The following PPP2R5C variants were observed in gnomAD, a reference collection of about 807,000 sequenced individuals.
PPP2R5C encodes the protein protein phosphatase 2 regulatory subunit B'gamma, also known as serine/threonine-protein phosphatase 2A 56 kDa regulatory subunit gamma isoform.
A neutral mutation model predicts 68.9 loss-of-function variants in PPP2R5C; 7 were observed. The observed-to-expected ratio is 0.10, with a 90% CI of 0.06 to 0.19. The LOEUF (loss-of-function observed/expected upper bound fraction) is 0.19. PPP2R5C is among the 10% of genes least tolerant of loss of function. The probability of loss-of-function intolerance (pLI) is 1.00; values close to 1 mark genes in which losing one functional copy is unlikely to be tolerated. For missense variants in PPP2R5C, 348 were observed against 641.3 expected, an observed-to-expected ratio of 0.54 and a Z score of 4.94; for synonymous variants, 210 against 222.2, an observed-to-expected ratio of 0.95 and a Z score of 0.49.
At chr14:101,862,280 A>G (rs1334674443) in intron 2 of PPP2R5C, among the ~76,000 whole-genome samples, 1 of 152,182 alleles carries the variant, frequency 6.6e-6, no homozygotes, top group Non-Finnish European at 1.5e-5. Context: ...AATGCTGCAG[A>G]CACTCCTGCT....
At chr14:101,849,004 A>G (rs1446589394) in intron 1 of PPP2R5C, among the ~76,000 whole-genome samples, 1 of 152,218 alleles carries the variant, frequency 6.6e-6, no homozygotes, top group Non-Finnish European at 1.5e-5. Context: ...CTTCCTATAA[A>G]TGAAATTATA....
intron 11 of PPP2R5C, among the ~76,000 whole-genome samples, chr14:101,910,556 GGT>G (rs2046323724): frequency 6.6e-6 from 1 of 152,250 alleles, no homozygotes; most frequent in Non-Finnish European, 1.5e-5. Context: ...CCCTGGGCCG[GGT>G]GCGGTGGCTC....
intron 3 of PPP2R5C, among the ~76,000 whole-genome samples, chr14:101,802,507 GTAAAAC>G (rs906176344): frequency 2.6e-5 from 4 of 152,050 alleles, no homozygotes; most frequent in Non-Finnish European, 5.9e-5. Context: ...AAACCTAAGA[GTAAAAC>G]TATAATGTTT....
intron 3 of PPP2R5C, 79 bp downstream of exon 3, chr14:101,786,262 A>C: frequency 7.9e-7 from 1 of 1,262,382 alleles, no homozygotes. Flanking sequence ...GTGCTAATTT[A>C]TTCCTTTGCT....
intron 11 of PPP2R5C, among the ~76,000 whole-genome samples, chr14:101,910,326 A>G (rs899880937): frequency 6.6e-6 from 1 of 152,200 alleles, no homozygotes; most frequent in African/African-American, 2.4e-5. Flanking sequence ...TTTGCTTGTC[A>G]CTTAAAACTG....
chr14:101,858,737 C>G (rs925042106), intron 2 of PPP2R5C, among the ~76,000 whole-genome samples: 3 of 151,938 alleles, frequency 2.0e-5, no homozygotes, highest in Non-Finnish European at 2.9e-5. Flanking sequence ...GAAGATTTTC[C>G]TATGTTTAAG....
At chr14:101,858,207 T>C (rs1386209919) in intron 2 of PPP2R5C, among the ~76,000 whole-genome samples, 2 of 152,186 alleles carry the variant, frequency 1.3e-5, no homozygotes, top group African/African-American at 4.8e-5. Context: ...AGCTTTTTTC[T>C]TTCATTAATT....
At chr14:101,837,450 A>G (rs1364137678) in intron 1 of PPP2R5C, among the ~76,000 whole-genome samples, 1 of 152,180 alleles carries the variant, frequency 6.6e-6, no homozygotes, top group East Asian at 1.9e-4. Flanking sequence ...CCCGACCCTC[A>G]TGGTATAAGT....
intron 3 of PPP2R5C, among the ~76,000 whole-genome samples, chr14:101,801,238 T>C (rs1268898510): frequency 3.3e-5 from 5 of 152,212 alleles, no homozygotes; most frequent in African/African-American, 1.2e-4. Flanking sequence ...AAAGAAAAGA[T>C]ACATGCTGGA....
intron 3 of PPP2R5C, among the ~76,000 whole-genome samples, chr14:101,791,654 G>GT (rs146308156): frequency 0.017 from 2,486 of 146,052 alleles, 46 homozygotes; most frequent in African/African-American, 0.052. Context: ...TAATTTCAGG[G>GT]TTTTTTTTTT....
intron 2 of PPP2R5C, among the ~76,000 whole-genome samples, chr14:101,859,068 C>T (rs1036340284): frequency 1.3e-5 from 2 of 152,332 alleles, no homozygotes; most frequent in East Asian, 3.9e-4. Flanking sequence ...GGCTCCAGAG[C>T]GTTGCCAGCC....
chr14:101,895,278 T>C (rs781362065), intron 8 of PPP2R5C, among the ~76,000 whole-genome samples: 90 of 152,202 alleles, frequency 5.9e-4, no homozygotes, highest in Non-Finnish European at 7.8e-4. Context: ...AATTCAAAAA[T>C]TTTTGATACG....
rs1482323027 is a variant in PPP2R5C at position 101,781,743 on chromosome 14, C to CGCCG, written c.94-4274_94-4271dup. Among the ~76,000 whole-genome samples, 1 of 152,022 alleles carries CGCCG rather than the reference C, an allele frequency of 6.6e-6. No homozygotes were observed. The highest frequency in any genetic ancestry group is 1.5e-5 in the Non-Finnish European group (1 of 67,960). ...GGCCACCCGGGGAAGAAGCGGAGGACGCCGATCTGGCCTCCTGCGTTGCGC... is the reference window on the plus strand; with the variant it reads ...GGCCACCCGGGGAAGAAGCGGAGGACGCCGGCCGATCTGGCCTCCTGCGTTGCGC... On this transcript the variant is annotated intron_variant, in intron 2 of 14. Coordinates refer to the PPP2R5C transcript ENST00000328724. The surrounding 1 kb of genome is among the most constrained non-coding windows in gnomAD (Gnocchi z 6.4).
intron 1 of PPP2R5C, chr14:101,818,805 A>G (rs1866315670): frequency 1.9e-6 from 1 of 534,766 alleles, no homozygotes. Flanking sequence ...AAATGTTGAT[A>G]TTTTGGTGTT....
intron 2 of PPP2R5C, among the ~76,000 whole-genome samples, chr14:101,773,902 C>T (rs1595123089): frequency 1.3e-5 from 2 of 152,190 alleles, no homozygotes; most frequent in African/African-American, 4.8e-5. Flanking sequence ...ACTGTGTCAG[C>T]CAGGCTAGTC....
In PPP2R5C at chr14:101,925,252, G is replaced by A. The variant is rs573862584; in HGVS notation, c.1555G>A (p.Ala519Thr). ...AGCTCACTGCAGGGCCGATGAGCTG[G>A]CCTCCCAGGACGGCCGCTAGCCTCC... The change falls in exon 14 of 14, where the codon GCC (alanine) becomes ACC (threonine). Residue 519 changes from alanine (A) to threonine (T), a missense_variant. By Grantham distance (58) the Ala-to-Thr change is moderately conservative. Coordinates refer to ENST00000334743, the Ensembl canonical transcript of PPP2R5C. The A allele has an allele frequency of 7.4e-6, 12 of 1,613,196 alleles. No homozygotes were observed. The South Asian group carries it at 9.9e-5, about 13-fold the overall frequency.
Position 101,819,022 on chromosome 14 carries a change from A to G in PPP2R5C, c.94+8986A>G, listed in dbSNP as rs1258963505. ...AAGTCCTGAAGAACCCTCAAGCCCT[A>G]AAGTACCACCTCCACTTCTTCCTGA... is the stretch of plus-strand genomic sequence containing the variant. On this transcript the variant is annotated intron_variant, in intron 1 of 13. Coordinates refer to ENST00000334743, the Ensembl canonical transcript of PPP2R5C. The G allele has an allele frequency of 1.4e-5, 21 of 1,551,384 alleles. No homozygotes were observed. The highest frequency in any genetic ancestry group is 2.0e-5 in the Admixed American group (1 of 50,988).
chr14:101,856,343 C>T (rs536568177), intron 1 of PPP2R5C, among the ~76,000 whole-genome samples: 1 of 152,354 alleles, frequency 6.6e-6, no homozygotes, highest in South Asian at 2.1e-4. Context: ...CTGGTTGCCT[C>T]TCATTCCACT....
At chr14:101,922,825 A>T (rs2047085915) in intron 13 of PPP2R5C, among the ~76,000 whole-genome samples, 4 of 151,884 alleles carry the variant, frequency 2.6e-5, no homozygotes, top group African/African-American at 9.6e-5. Flanking sequence ...AATAAAAATA[A>T]AAAAAAAATT....
Sources: gnomAD v4.1 joint callset for allele counts (sites outside exome capture counted in the v4.1 genomes callset) on GRCh38, gnomAD v4.1.1 for gene constraint, Gnocchi (gnomAD v3.1) non-coding constraint, MANE v1.5 for transcripts, NCBI Gene and HGNC (gene_info 2026-07-23, HGNC 2026-07-21) for gene names.